Variants in YLPM1 observed in about 807,000 individuals in gnomAD.
YLPM1 encodes the protein YLP motif containing 1, also known as YLP motif-containing protein 1.
YLPM1 carries 99 observed loss-of-function variants against 230.0 expected under a neutral mutation model. That is an observed-to-expected ratio of 0.43 (90% CI 0.37 to 0.51). The LOEUF (loss-of-function observed/expected upper bound fraction) is 0.51, where lower values mean the gene tolerates loss of function less well. YLPM1 is among the 20% of genes least tolerant of loss of function. The probability of loss-of-function intolerance (pLI) is 0.00; values close to 1 mark genes in which losing one functional copy is unlikely to be tolerated. For missense variants in YLPM1, 2,592 were observed against 2,707.7 expected (o/e 0.96, Z 0.95); for synonymous variants, 984 against 942.5 (o/e 1.04, Z -0.81).
chr14:74,792,321 A>C (rs1340421920), intron 4 of YLPM1, among the ~76,000 whole-genome samples: 4 of 152,184 alleles, frequency 2.6e-5, no homozygotes, highest in Admixed American at 2.6e-4. Context: ...TTATATTTAT[A>C]ATTTAGCTTC....
rs201838422 is a variant in YLPM1 at position 74,798,469 on chromosome 14, C to T, written c.3172C>T (p.Arg1058Trp). The change falls in exon 5 of 21, where the codon CGG becomes TGG. Residue 1058 changes from arginine to tryptophan, a missense_variant. Arg to Trp is a moderately radical substitution (Grantham distance 101). Coordinates refer to ENST00000325680, the MANE Select transcript of YLPM1 (RefSeq NM_019589.3). The part of the protein sequence containing the change: ...GPGLVKQEDF[R>W]DKMMGRREDS... The stretch of plus-strand genomic sequence containing the variant: ...AGGATTGGTCAAGCAAGAAGACTTT[C>T]GGGATAAGATGATGGGTAGAAGAGA... The T allele has an allele frequency of 3.3e-5, 53 of 1,613,782 alleles. No individual in the cohort carries two copies. Among genetic ancestry groups the T allele is most frequent in the East Asian group, 8.9e-5 (4 of 44,864 alleles).
rs189759454 is a variant in YLPM1, at chr14:74,789,011, C to T, written c.2282+6686C>T. Among the ~76,000 whole-genome samples the T allele has an allele frequency of 7.2e-5, 11 of 152,284 alleles. No individual in the cohort carries two copies. The East Asian group carries it at 2.1e-3, about 29-fold the overall frequency. ...CGAATAACTATCCAGTTCACCCCAA[C>T]ACCATTTACTGAAGAAGTCATCCCT... On this transcript the variant is annotated intron_variant, in intron 4 of 20. Coordinates refer to ENST00000325680, the MANE Select transcript of YLPM1 (RefSeq NM_019589.3).
Position 74,798,740 on chromosome 14 carries a change from G to A in YLPM1, c.3443G>A (p.Arg1148Gln), listed in dbSNP as rs771453935. Reference protein sequence around the residue: ...RAGSRERGPPRGPGSRERGLG... With the variant: ...RAGSRERGPPQGPGSRERGLG... ...GGGAGCAGGGAGAGAGGACCACCTC[G>A]AGGGCCTGGCAGTCGAGAAAGGGGA... Residue 1148 changes from arginine (R) to glutamine (Q), a missense_variant, in exon 5 of 21, where the codon CGA (arginine) becomes CAA (glutamine). Arg to Gln is a conservative substitution (Grantham distance 43). Around this residue, in one of 4 missense-constraint regions of YLPM1, gnomAD observed 1,862 missense variants for 1,819.8 expected, o/e 1.02. Coordinates refer to ENST00000325680, the MANE Select transcript of YLPM1 (RefSeq NM_019589.3). 8.1e-6 allele frequency: 13 copies of A among 1,613,182 alleles called. No individual in the cohort carries two copies. Among genetic ancestry groups the A allele is most frequent in the South Asian group, 6.6e-5 (6 of 91,022 alleles).
intron 6 of YLPM1, among the ~76,000 whole-genome samples, chr14:74,803,084 C>A (rs541503722): frequency 6.6e-6 from 1 of 151,630 alleles, no homozygotes; most frequent in South Asian, 2.1e-4. Flanking sequence ...AATGGTGAGA[C>A]CCCTATCTCT....
intron 4 of YLPM1, among the ~76,000 whole-genome samples, chr14:74,786,524 C>CT (rs970287757): frequency 9.2e-5 from 14 of 152,112 alleles, no homozygotes; most frequent in African/African-American, 3.1e-4. Flanking sequence ...TATTTTTGAA[C>CT]TTCATGTGAG....
intron 5 of YLPM1, among the ~76,000 whole-genome samples, chr14:74,801,777 T>G (rs1010522561): frequency 6.6e-6 from 1 of 152,214 alleles, no homozygotes; most frequent in Non-Finnish European, 1.5e-5. Context: ...TCTTTAAGAT[T>G]TGAATTTATA....
chr14:74,776,069 C>T (rs749010466), intron 1 of YLPM1, among the ~76,000 whole-genome samples: 1 of 152,110 alleles, frequency 6.6e-6, no homozygotes, highest in South Asian at 2.1e-4. Context: ...TTTTGGTTTT[C>T]TTTATGCAAC....
chr14:74,820,690 A>G (rs892840096), intron 16 of YLPM1, among the ~76,000 whole-genome samples: 7 of 152,186 alleles, frequency 4.6e-5, no homozygotes, highest in African/African-American at 1.7e-4. Flanking sequence ...ACTTTTCACT[A>G]TACTTTTTCT....
chr14:74,806,888 T>C (rs2140121217), intron 6 of YLPM1, among the ~76,000 whole-genome samples: 1 of 152,056 alleles, frequency 6.6e-6, no homozygotes, highest in African/African-American at 2.4e-5. Context: ...TTTTAAAAAA[T>C]GTATCTTTTA....
chr14:74,768,105 T>G (rs1232551421), intron 1 of YLPM1, among the ~76,000 whole-genome samples: 1 of 152,100 alleles, frequency 6.6e-6, no homozygotes, highest in Non-Finnish European at 1.5e-5. Context: ...AGTTACTATA[T>G]GGAGTTATGT....
In YLPM1 at chr14:74,803,787, T is replaced by G. The variant is rs78628985; in HGVS notation, c.4521+1111T>G. On this transcript the variant is annotated intron_variant, in intron 6 of 20. Transcript: ENST00000325680. ...CTGCTGCTGATTGATTTTACCTCCT[T>G]TGAATCAAATTCTCAAGTATAATTA... is the stretch of plus-strand genomic sequence containing the variant. 8.3e-4 allele frequency among the ~76,000 whole-genome samples: 126 copies of G among 152,292 alleles called. 3 individuals carry two copies. In the East Asian group the frequency reaches 0.024, roughly 29 times the overall value.
intron 15 of YLPM1, among the ~76,000 whole-genome samples, chr14:74,817,977 G>A (rs2091492526): frequency 6.6e-6 from 1 of 151,468 alleles, no homozygotes; most frequent in Admixed American, 6.6e-5. Context: ...GATCACTTGA[G>A]CCCACCATGT....
chr14:74,812,830 A>T (rs1424843340), intron 11 of YLPM1, 48 bp downstream of exon 11: 1 of 1,567,750 alleles, frequency 6.4e-7, no homozygotes, highest in Non-Finnish European at 8.7e-7. Flanking sequence ...AGAAGATAAG[A>T]GATCTTGTTA....
chr14:74,817,251 G>A lies in YLPM1; in HGVS notation c.5920G>A (p.Gly1974Arg). 1 of 1,594,698 alleles carries A rather than the reference G, an allele frequency of 6.3e-7. No homozygotes were observed. The highest frequency in any genetic ancestry group is 1.1e-5 in the South Asian group (1 of 87,832). Residue 1974 changes from glycine (G) to arginine (R), a missense_variant, in exon 15 of 21, where the codon GGA becomes AGA. By Grantham distance (125) the Gly-to-Arg change is moderately radical. Around this residue, in one of 4 missense-constraint regions of YLPM1, gnomAD observed 315 missense variants for 429.3 expected, o/e 0.73. Coordinates refer to ENST00000325680, the MANE Select transcript of YLPM1 (RefSeq NM_019589.3). ...NQTCGKRNIH[G>R]RKLKEINKMA... ...GACTTGTGGCAAGAGAAATATTCAT[G>A]GAAGAAAGCTTAAAGAAATAAATAA...
intron 4 of YLPM1, among the ~76,000 whole-genome samples, chr14:74,796,823 T>C (rs1465257882): frequency 6.6e-6 from 1 of 151,620 alleles, no homozygotes; most frequent in African/African-American, 2.4e-5. Flanking sequence ...AATCATCCTA[T>C]ATTTTCTTGT....
intron 19 of YLPM1, among the ~76,000 whole-genome samples, chr14:74,830,222 G>C (rs2091597740): frequency 6.6e-6 from 1 of 152,178 alleles, no homozygotes; most frequent in Non-Finnish European, 1.5e-5. Flanking sequence ...CCAGTTTGGA[G>C]CAGATTAAAG....
At chr14:74,791,554 A>C (rs1186720110) in intron 4 of YLPM1, among the ~76,000 whole-genome samples, 3 of 152,172 alleles carry the variant, frequency 2.0e-5, no homozygotes, top group Non-Finnish European at 4.4e-5. Context: ...CCTTCTTGCC[A>C]TTCTTTGCTT....
intron 7 of YLPM1, 51 bp downstream of exon 7, chr14:74,809,848 T>G (rs2091417266): frequency 1.9e-6 from 3 of 1,608,614 alleles, no homozygotes; most frequent in African/African-American, 2.7e-5. Context: ...AATTGTTAGC[T>G]TCAGCTTTAG....
chr14:74,764,120 TCC>T lies in YLPM1; in HGVS notation c.632_633del (p.Ser211PhefsTer30). ...GCCCACCCCTTCTTACTCATCCTCC[TCC>T]TCTTCCTCGCAATCCTATTTGAGCC... is the stretch of plus-strand genomic sequence containing the variant. ...LAPTPSYSSS[S>X]SSSQSYLSHS... On this transcript the variant is annotated frameshift_variant, in exon 1 of 21. Coordinates refer to ENST00000325680, the MANE Select transcript of YLPM1 (RefSeq NM_019589.3). LOFTEE classifies it high-confidence loss of function. 1 of 1,612,796 alleles carries T rather than the reference TCC, an allele frequency of 6.2e-7. No individual in the cohort carries two copies.
Sources: allele counts gnomAD v4.1 joint callset (sites outside exome capture counted in the v4.1 genomes callset), GRCh38; gene constraint gnomAD v4.1.1; regional missense constraint gnomAD v4.1.1; transcripts MANE v1.5; gene names NCBI Gene and HGNC (gene_info 2026-07-23, HGNC 2026-07-21).